Variants in PAX8 observed in about 807,000 individuals in gnomAD.
The protein encoded by PAX8 is paired box protein Pax-8.
A neutral mutation model predicts 52.4 loss-of-function variants in PAX8; 15 were observed. That is an observed-to-expected ratio of 0.29 (90% CI 0.19 to 0.44). PAX8 has a LOEUF of 0.44. PAX8 is among the 20% of genes least tolerant of loss of function. The pLI, the probability that PAX8 is intolerant of heterozygous loss-of-function variation, is 1.00. For synonymous variants in PAX8, 284 were observed against 249.7 expected (o/e 1.14, Z -1.29); for missense variants, 554 against 602.5 (o/e 0.92, Z 0.84).
chr2:113,249,581 CT>C (rs1181620796), intron 2 of PAX8, among the ~76,000 whole-genome samples: 1 of 150,888 alleles, frequency 6.6e-6, no homozygotes, highest in Non-Finnish European at 1.5e-5. Context: ...GGTATTGTGC[CT>C]TTTTTTTAAA....
At chr2:113,257,675 T>G (rs1318368803) in intron 2 of PAX8, among the ~76,000 whole-genome samples, 2 of 152,114 alleles carry the variant, frequency 1.3e-5, no homozygotes, top group East Asian at 3.9e-4. Flanking sequence ...AGGCTCGTAT[T>G]TCACCAATGC....
chr2:113,260,662 T>C (rs926325628), intron 2 of PAX8, among the ~76,000 whole-genome samples: 4 of 151,980 alleles, frequency 2.6e-5, no homozygotes, highest in Non-Finnish European at 5.9e-5. Context: ...CTAGGGAATA[T>C]TGAATATAAT....
chr2:113,218,294 G>T lies in PAX8; in HGVS notation c.*239C>A. The T allele has an allele frequency of 5.0e-6, 2 of 401,388 alleles. No homozygotes were observed. Among genetic ancestry groups the T allele is most frequent in the Non-Finnish European group, 8.8e-6 (2 of 227,066 alleles). The allele number at this position is 401,388 out of a possible 1,614,324, so 24.9% of individuals were successfully genotyped here. A position where few individuals can be genotyped will look rare whatever the true frequency, so the allele number is the denominator to read the frequency against. ...ATTTTGTCTTTTTCAGCATGGCATGGTTCTCTTTCCCTGGGACTCCTGCCC... is the reference window on the plus strand; with the variant it reads ...ATTTTGTCTTTTTCAGCATGGCATGTTTCTCTTTCCCTGGGACTCCTGCCC... On this transcript the variant is annotated 3_prime_UTR_variant, in exon 12 of 12. Transcript: ENST00000429538.
In PAX8 at chr2:113,244,411, C is replaced by A; in HGVS notation, c.389+16G>T. 1 of 1,605,316 alleles carries A rather than the reference C, an allele frequency of 6.2e-7. No homozygotes were observed. Among genetic ancestry groups the A allele is most frequent in the Non-Finnish European group, 8.5e-7 (1 of 1,172,582 alleles). ...AGGGGCCCCAGCCTGACACCAGAGGCTGCTTTCTCTCTTACCTATTAATGG... is the reference window on the plus strand; with the variant it reads ...AGGGGCCCCAGCCTGACACCAGAGGATGCTTTCTCTCTTACCTATTAATGG... On this transcript the variant is annotated intron_variant, in intron 4 of 11. Transcript: ENST00000429538.
intron 2 of PAX8, among the ~76,000 whole-genome samples, chr2:113,247,384 C>A (rs1691418902): frequency 6.6e-6 from 1 of 152,206 alleles, no homozygotes; most frequent in African/African-American, 2.4e-5. Flanking sequence ...CCTCATGGAA[C>A]CAGATTTTAA....
chr2:113,228,600 G>A (rs1339065957), intron 9 of PAX8, among the ~76,000 whole-genome samples: 1 of 152,212 alleles, frequency 6.6e-6, no homozygotes, highest in East Asian at 1.9e-4. Context: ...TCCTCAGCAG[G>A]AGGTAGTAAG....
intron 10 of PAX8, among the ~76,000 whole-genome samples, chr2:113,225,010 A>C (rs2104426289): frequency 6.6e-6 from 1 of 152,134 alleles, no homozygotes; most frequent in Middle Eastern, 3.4e-3. Flanking sequence ...AAAGAGCTTT[A>C]GACTTGAAAT....
At chr2:113,243,032 C>A (rs535941845) in intron 4 of PAX8, among the ~76,000 whole-genome samples, 3 of 152,300 alleles carry the variant, frequency 2.0e-5, no homozygotes, top group South Asian at 2.1e-4. Flanking sequence ...CCCTCTCTTT[C>A]CTATCAAACC....
chr2:113,236,768 G>C (rs775889104), intron 7 of PAX8, 47 bp from the exon 8 acceptor site: 5 of 1,539,388 alleles, frequency 3.2e-6, no homozygotes, highest in Admixed American at 2.0e-5. Flanking sequence ...CCAACAAGCC[G>C]ACCTTCCTGC....
chr2:113,237,678 A>G (rs539929874), intron 7 of PAX8: 1 of 152,316 alleles, frequency 6.6e-6, no homozygotes, highest in African/African-American at 2.4e-5. Flanking sequence ...TTGTTTAACT[A>G]AAGGTAAGTG....
chr2:113,248,962 G>T (rs888012964), intron 2 of PAX8, among the ~76,000 whole-genome samples: 1 of 150,718 alleles, frequency 6.6e-6, no homozygotes, highest in East Asian at 1.9e-4. Flanking sequence ...GCGAAATTCC[G>T]TCAAAAAAAA....
chr2:113,229,619 A>T (rs1393291006), intron 9 of PAX8, among the ~76,000 whole-genome samples: 2 of 152,258 alleles, frequency 1.3e-5, no homozygotes, highest in African/African-American at 4.8e-5. Flanking sequence ...CAAGGGAACA[A>T]ATGAAGGGCT....
intron 2 of PAX8, among the ~76,000 whole-genome samples, chr2:113,260,931 T>A (rs543068571): frequency 6.6e-5 from 10 of 151,440 alleles, no homozygotes; most frequent in African/African-American, 2.4e-4. Context: ...AGTTGCAGAG[T>A]CTTCAGGGTG....
chr2:113,274,273 G>A (rs1362931730), intron 2 of PAX8: 1 of 152,108 alleles, frequency 6.6e-6, no homozygotes. Flanking sequence ...AGATATCCAA[G>A]ATCCGGATCA....
intron 8 of PAX8, 153 bp from the exon 9 acceptor site, chr2:113,235,735 AC>A: frequency 1.6e-6 from 1 of 612,650 alleles, no homozygotes; most frequent in South Asian, 2.0e-5. Flanking sequence ...GCCGGGGCCC[AC>A]GAGGCGTGGC....
At chr2:113,243,238 G>A (rs1310554872) in intron 4 of PAX8, among the ~76,000 whole-genome samples, 1 of 152,130 alleles carries the variant, frequency 6.6e-6, no homozygotes, top group Non-Finnish European at 1.5e-5. Flanking sequence ...ATGCAAGTTG[G>A]CTTAAAATCT....
rs144967195 is a variant in PAX8 at position 113,272,313 on chromosome 2, A to G, written c.25+6057T>C. 3 of 152,258 alleles carry G rather than the reference A, an allele frequency of 2.0e-5. No homozygotes were observed. In the East Asian group the frequency reaches 5.8e-4, roughly 29 times the overall value. 9.4% of individuals were successfully genotyped at this position (152,258 alleles called of 1,614,324 possible). A position where few individuals can be genotyped will look rare whatever the true frequency, so the allele number is the denominator to read the frequency against. The stretch of plus-strand genomic sequence containing the variant: ...ACAGGTTTAAGACAGAAGCCTTCCT[A>G]TGAATATTTTTCTGGCCAGTGGCTT... On this transcript the variant is annotated intron_variant, in intron 2 of 11. Coordinates refer to ENST00000429538, the MANE Select transcript of PAX8 (RefSeq NM_003466.4).
intron 2 of PAX8, chr2:113,271,639 C>T (rs151305617): frequency 6.3e-4 from 95 of 150,418 alleles, no homozygotes; most frequent in East Asian, 5.7e-3. Context: ...ACTGCCAGCA[C>T]GGGCACTTGG....
intron 9 of PAX8, among the ~76,000 whole-genome samples, chr2:113,232,903 C>T (rs981612511): frequency 3.3e-5 from 5 of 152,084 alleles, no homozygotes. Context: ...ATCATGGGCA[C>T]CACCACACCC....
Sources: allele counts gnomAD v4.1 joint callset (sites outside exome capture counted in the v4.1 genomes callset), GRCh38; gene constraint gnomAD v4.1.1; transcripts MANE v1.5; gene names NCBI Gene and HGNC (gene_info 2026-07-23, HGNC 2026-07-21).